The following CACNA2D3 variants were observed in gnomAD, a reference collection of about 807,000 sequenced individuals.
CACNA2D3 encodes voltage-dependent calcium channel subunit alpha-2/delta-3.
A neutral mutation model predicts 160.6 loss-of-function variants in CACNA2D3; 60 were observed. The observed-to-expected ratio is 0.37, with a 90% CI of 0.30 to 0.46. The LOEUF is 0.46. CACNA2D3 is among the 20% of genes least tolerant of loss of function. The pLI, the probability that CACNA2D3 is intolerant of heterozygous loss-of-function variation, is 1.00. For synonymous variants in CACNA2D3, 558 were observed against 492.9 expected, an observed-to-expected ratio of 1.13 and a Z score of -1.75; for missense variants, 1,205 against 1,365.0, an observed-to-expected ratio of 0.88 and a Z score of 1.85.
Position 54,205,170 on chromosome 3 carries a change from A to T in CACNA2D3, c.204+81576A>T, listed in dbSNP as rs534288980. Reference sequence around the variant, plus strand: ...GTGAGGATAACAATAGAGGGGGGAAAGTTATCACAGATATAAAAAGCAGCC... The same window carrying T: ...GTGAGGATAACAATAGAGGGGGGAATGTTATCACAGATATAAAAAGCAGCC... On this transcript the variant is annotated intron_variant, in intron 2 of 37. Coordinates refer to ENST00000474759, the MANE Select transcript of CACNA2D3 (RefSeq NM_018398.3). Among the ~76,000 whole-genome samples the T allele has an allele frequency of 3.5e-4, 53 of 152,348 alleles. No individual in the cohort carries two copies. The South Asian group carries it at 0.01, about 30-fold the overall frequency.
intron 4 of CACNA2D3, among the ~76,000 whole-genome samples, chr3:54,468,487 A>G (rs555160736): frequency 2.6e-5 from 4 of 152,306 alleles, no homozygotes; most frequent in South Asian, 2.1e-4. Context: ...CTGGGTTTCA[A>G]GCACAAAATG....
At chr3:54,170,880 T>C (rs1286482492) in intron 2 of CACNA2D3, among the ~76,000 whole-genome samples, 1 of 152,114 alleles carries the variant, frequency 6.6e-6, no homozygotes, top group African/African-American at 2.4e-5. Flanking sequence ...TCTCTAGGCT[T>C]TGTCAGATGT....
intron 2 of CACNA2D3, among the ~76,000 whole-genome samples, chr3:54,227,249 T>G (rs1046276532): frequency 6.6e-6 from 1 of 152,232 alleles, no homozygotes; most frequent in African/African-American, 2.4e-5. Flanking sequence ...ATCTGGGTGT[T>G]TGGCACCGGG....
chr3:54,298,948 A>G (rs1252109263), intron 2 of CACNA2D3, among the ~76,000 whole-genome samples: 1 of 59,458 alleles, frequency 1.7e-5, no homozygotes, highest in Non-Finnish European at 4.0e-5. Context: ...GTTTCTTAAA[A>G]AAAAAAAAAA....
chr3:54,205,169 A>T (rs1009569427), intron 2 of CACNA2D3, among the ~76,000 whole-genome samples: 1 of 152,168 alleles, frequency 6.6e-6, no homozygotes, highest in Non-Finnish European at 1.5e-5. Flanking sequence ...AGAGGGGGGA[A>T]AGTTATCACA....
intron 27 of CACNA2D3, among the ~76,000 whole-genome samples, chr3:54,949,623 C>T (rs1236769501): frequency 1.3e-5 from 2 of 152,186 alleles, no homozygotes; most frequent in African/African-American, 2.4e-5. Context: ...CATTCTCAAG[C>T]GCATTGGTCA....
intron 35 of CACNA2D3, among the ~76,000 whole-genome samples, chr3:55,068,980 T>C (rs2107230885): frequency 6.6e-6 from 1 of 152,314 alleles, no homozygotes; most frequent in Admixed American, 6.5e-5. Flanking sequence ...AGAAGAGTAT[T>C]CATTTCTTCA....
chr3:54,908,522 C>G (rs1167604417), intron 27 of CACNA2D3, among the ~76,000 whole-genome samples: 1 of 152,056 alleles, frequency 6.6e-6, no homozygotes, highest in Non-Finnish European at 1.5e-5. Context: ...TCAAGACCAG[C>G]CTGGGCAACA....
chr3:54,589,818 A>G (rs1484659023), intron 9 of CACNA2D3, among the ~76,000 whole-genome samples: 2 of 152,220 alleles, frequency 1.3e-5, no homozygotes, highest in Admixed American at 1.3e-4. Flanking sequence ...GTTCTTAGCC[A>G]TGAAGGGAAT....
At chr3:54,740,452 G>A (rs1235561814) in intron 11 of CACNA2D3, among the ~76,000 whole-genome samples, 11 of 152,178 alleles carry the variant, frequency 7.2e-5, no homozygotes, top group South Asian at 6.2e-4. Flanking sequence ...AGCCAGGGGC[G>A]CATGCTTCCA....
chr3:54,676,340 G>A (rs1272564757), intron 11 of CACNA2D3, among the ~76,000 whole-genome samples: 1 of 152,138 alleles, frequency 6.6e-6, no homozygotes, highest in Non-Finnish European at 1.5e-5. Context: ...TTGCTAGCTT[G>A]TGTTTACACC....
intron 27 of CACNA2D3, among the ~76,000 whole-genome samples, chr3:54,958,586 A>G (rs190511303): frequency 1.2e-4 from 19 of 152,250 alleles, no homozygotes; most frequent in African/African-American, 4.3e-4. Context: ...GAGTAAAGCA[A>G]TAGTTATTAT....
chr3:54,699,947 G>A (rs1420746365), intron 11 of CACNA2D3, among the ~76,000 whole-genome samples: 1 of 152,130 alleles, frequency 6.6e-6, no homozygotes, highest in Non-Finnish European at 1.5e-5. Flanking sequence ...TTAACCATGA[G>A]GTTAAATCGT....
At chr3:54,809,996 A>T (rs1703257379) in intron 13 of CACNA2D3, among the ~76,000 whole-genome samples, 1 of 152,204 alleles carries the variant, frequency 6.6e-6, no homozygotes, top group Non-Finnish European at 1.5e-5. Flanking sequence ...AGATGATATT[A>T]TAGAAAGACA....
chr3:54,574,293 T>C (rs1042241500), intron 8 of CACNA2D3, among the ~76,000 whole-genome samples: 1 of 152,136 alleles, frequency 6.6e-6, no homozygotes, highest in African/African-American at 2.4e-5. Context: ...AGTGCCATAA[T>C]GGAGGTCGGA....
rs140266174 is a variant in CACNA2D3, at chr3:54,482,189, G to A, written c.382-21303G>A. Among the ~76,000 whole-genome samples the A allele has an allele frequency of 1.7e-3, 255 of 152,330 alleles. 3 individuals are homozygous for A. Among genetic ancestry groups the A allele is most frequent in the African/African-American group, 4.7e-3 (195 of 41,578 alleles). ...TACTGCAGACGCAGTTGTTACTTGG[G>A]AGCAGAGGAGGGGCAGTGAGAAGCA... is the stretch of plus-strand genomic sequence containing the variant. On this transcript the variant is annotated intron_variant, in intron 4 of 37. Transcript: ENST00000474759.
At chr3:54,187,377 G>T (rs1482484116) in intron 2 of CACNA2D3, among the ~76,000 whole-genome samples, 1 of 152,180 alleles carries the variant, frequency 6.6e-6, no homozygotes, top group East Asian at 1.9e-4. Flanking sequence ...CTTGACAATT[G>T]AAATAATTGA....
intron 9 of CACNA2D3, among the ~76,000 whole-genome samples, chr3:54,614,764 AT>A (rs1698814776): frequency 6.6e-6 from 1 of 152,184 alleles, no homozygotes; most frequent in Non-Finnish European, 1.5e-5. Context: ...GCAGGAAGCT[AT>A]CAACTACTGT....
intron 2 of CACNA2D3, among the ~76,000 whole-genome samples, chr3:54,136,455 A>G (rs1489667374): frequency 6.6e-6 from 1 of 152,220 alleles, no homozygotes; most frequent in Non-Finnish European, 1.5e-5. Context: ...TAAATGTTGG[A>G]CATCCTTTTC....
Sources: allele counts gnomAD v4.1 joint callset (sites outside exome capture counted in the v4.1 genomes callset), GRCh38; gene constraint gnomAD v4.1.1; transcripts MANE v1.5; gene names NCBI Gene and HGNC (gene_info 2026-07-23, HGNC 2026-07-21).